The following PITPNM2 variants were observed in gnomAD, a reference collection of about 807,000 sequenced individuals.
The protein encoded by PITPNM2 is membrane-associated phosphatidylinositol transfer protein 2.
Under a neutral mutation model 132.2 loss-of-function variants are expected in PITPNM2, and 35 were observed. That is an observed-to-expected ratio of 0.26 (90% CI 0.20 to 0.35). The LOEUF (loss-of-function observed/expected upper bound fraction) is 0.35, where lower values mean the gene tolerates loss of function less well. Ranked by LOEUF, PITPNM2 falls within the 10% of genes least tolerant of loss-of-function variation. PITPNM2 has a pLI of 1.00. For synonymous variants in PITPNM2, 738 were observed against 799.2 expected, an observed-to-expected ratio of 0.92 and a Z score of 1.29; for missense variants, 1,332 against 1,912.0, an observed-to-expected ratio of 0.70 and a Z score of 5.66.
chr12:123,118,918 T>C (rs767556847), intron 1 of PITPNM2, among the ~76,000 whole-genome samples: 1 of 152,242 alleles, frequency 6.6e-6, no homozygotes, highest in Non-Finnish European at 1.5e-5. Context: ...CCGCAAATAC[T>C]GTGCCTTAGT....
chr12:123,048,973 A>C (rs2040767909), intron 2 of PITPNM2, among the ~76,000 whole-genome samples: 1 of 152,118 alleles, frequency 6.6e-6, no homozygotes, highest in Admixed American at 6.6e-5. Flanking sequence ...ATTTCTACAA[A>C]AAATAATAAA....
At chr12:123,076,789 G>A (rs938611452) in intron 2 of PITPNM2, among the ~76,000 whole-genome samples, 1 of 152,228 alleles carries the variant, frequency 6.6e-6, no homozygotes, top group African/African-American at 2.4e-5. Flanking sequence ...AGATCAGAGA[G>A]GGGTTACTCT....
Position 122,992,567 on chromosome 12 carries a change from G to A in PITPNM2, c.2336C>T (p.Ala779Val), listed in dbSNP as rs1453216871. Reference sequence around the variant, plus strand: ...GCGGGGGACGCTGAAAGGCGGCAGGGCGTGAAAGCGCCGTTCCAGCAGCGG... The same window carrying A: ...GCGGGGGACGCTGAAAGGCGGCAGGACGTGAAAGCGCCGTTCCAGCAGCGG... ...LEPLLERRFH[A>V]LPPFSVPRYQ... The change falls in exon 16 of 26, where the codon GCC (alanine) becomes GTC (valine). Residue 779 changes from alanine (A) to valine (V), a missense_variant. By Grantham distance (64) the Ala-to-Val change is moderately conservative. Coordinates refer to ENST00000320201, the MANE Select transcript of PITPNM2 (RefSeq NM_020845.3). This position sits in a 1 kb window ranked among gnomAD's most constrained non-coding sequence, Gnocchi z 6.5. The A allele has an allele frequency of 6.2e-7, 1 of 1,611,736 alleles. No homozygotes were observed. Among genetic ancestry groups the A allele is most frequent in the Admixed American group, 1.7e-5 (1 of 59,928 alleles).
At chr12:123,113,266 G>A (rs146395639) in intron 1 of PITPNM2, among the ~76,000 whole-genome samples, 1 of 152,236 alleles carries the variant, frequency 6.6e-6, no homozygotes, top group East Asian at 1.9e-4. Context: ...GGAATGGGTA[G>A]AGAGAGACCC....
chr12:123,032,242 G>T (rs927423419), intron 3 of PITPNM2, among the ~76,000 whole-genome samples: 6 of 152,246 alleles, frequency 3.9e-5, no homozygotes, highest in Middle Eastern at 3.2e-3. Flanking sequence ...ACTTTGGGAG[G>T]CCAAGGTGAG....
intron 1 of PITPNM2, among the ~76,000 whole-genome samples, chr12:123,139,137 A>AAAAT (rs1179742506): frequency 1.3e-5 from 2 of 152,140 alleles, no homozygotes; most frequent in South Asian, 2.1e-4. Flanking sequence ...TCCTGTCTCA[A>AAAAT]AAATAAATAA....
intron 1 of PITPNM2, among the ~76,000 whole-genome samples, chr12:123,135,141 G>A (rs1246352727): frequency 6.6e-6 from 1 of 152,126 alleles, no homozygotes; most frequent in Non-Finnish European, 1.5e-5. Context: ...TGAATTAAAT[G>A]TGGCCACACC....
At chr12:123,035,588 C>T (rs2040238231) in intron 2 of PITPNM2, among the ~76,000 whole-genome samples, 1 of 151,982 alleles carries the variant, frequency 6.6e-6, no homozygotes, top group Non-Finnish European at 1.5e-5. Context: ...ATCGCTTGAA[C>T]CCAGGAGGCG....
rs757695719 is a variant in PITPNM2, at chr12:123,023,886, T to C, written c.79-9844A>G. ...GAGAATTTTTATATACAATATATCTTATAGTAACTTATATCCAAAATATAT... is the reference window on the plus strand; with the variant it reads ...GAGAATTTTTATATACAATATATCTCATAGTAACTTATATCCAAAATATAT... On this transcript the variant is annotated intron_variant, in intron 3 of 25. Transcript: ENST00000320201. The surrounding 1 kb of genome is among the most constrained non-coding windows in gnomAD (Gnocchi z 4.8). Among the ~76,000 whole-genome samples the C allele has an allele frequency of 6.6e-6, 1 of 152,176 alleles. No individual in the cohort carries two copies. Among genetic ancestry groups the C allele is most frequent in the Admixed American group, 6.5e-5 (1 of 15,274 alleles).
Position 123,108,166 on chromosome 12 carries a change from C to T in PITPNM2, c.-96+2219G>A, listed in dbSNP as rs2042760220. Among the ~76,000 whole-genome samples the T allele has an allele frequency of 6.6e-6, 1 of 152,150 alleles. No homozygotes were observed. Among genetic ancestry groups the T allele is most frequent in the Admixed American group, 6.5e-5 (1 of 15,276 alleles). ...TGCCTGTCTGTTTTGTTCACAGTGG[C>T]GTCTCTGGCAACTGGAATGGTCCCT... is the stretch of plus-strand genomic sequence containing the variant. On this transcript the variant is annotated intron_variant, in intron 2 of 25. Coordinates refer to ENST00000320201, the MANE Select transcript of PITPNM2 (RefSeq NM_020845.3). This position sits in a 1 kb window ranked among gnomAD's most constrained non-coding sequence, Gnocchi z 4.4.
At position 123,095,003 on chromosome 12, in the gene PITPNM2, C is replaced by T. The variant is rs2042369503; in HGVS notation, c.-96+15382G>A. ...TTCTGGGCTTCGTGGCGCACTGAAG[C>T]AAGCATGTTTATCCTTCCCTCATAC... On this transcript the variant is annotated intron_variant, in intron 2 of 25. Coordinates refer to ENST00000320201, the MANE Select transcript of PITPNM2 (RefSeq NM_020845.3). This position sits in a 1 kb window ranked among gnomAD's most constrained non-coding sequence, Gnocchi z 5.0. 6.6e-6 allele frequency among the ~76,000 whole-genome samples: 1 copy of T among 152,242 alleles called. No homozygotes were observed. Among genetic ancestry groups the T allele is most frequent in the Non-Finnish European group, 1.5e-5 (1 of 68,036 alleles).
rs746418078 is a variant in PITPNM2, at chr12:123,108,353, A to G, written c.-96+2032T>C. On this transcript the variant is annotated intron_variant, in intron 2 of 25. Transcript: ENST00000320201. This position sits in a 1 kb window ranked among gnomAD's most constrained non-coding sequence, Gnocchi z 4.4. ...CTCTGGAATGCAGTTGTTAAGAAGG[A>G]ATAGAACCTCCTTCCTGTAAGAAAG... Among the ~76,000 whole-genome samples the G allele has an allele frequency of 2.6e-4, 39 of 152,190 alleles. No individual in the cohort carries two copies. The highest frequency in any genetic ancestry group is 5.1e-4 in the Non-Finnish European group (35 of 68,028).
chr12:123,081,656 A>G (rs936749243), intron 2 of PITPNM2: 1 of 152,236 alleles, frequency 6.6e-6, no homozygotes, highest in African/African-American at 2.4e-5. Context: ...CTTCTCCAAC[A>G]GGGCGGGGTC....
At chr12:123,102,333 G>A (rs981790168) in intron 2 of PITPNM2, among the ~76,000 whole-genome samples, 3 of 152,216 alleles carry the variant, frequency 2.0e-5, no homozygotes, top group Admixed American at 6.5e-5. Flanking sequence ...ACACTAAGAA[G>A]TGGCCTTCTG....
intron 16 of PITPNM2, among the ~76,000 whole-genome samples, chr12:122,990,919 T>C (rs1202363545): frequency 2.0e-5 from 3 of 152,146 alleles, no homozygotes; most frequent in Non-Finnish European, 4.4e-5. Context: ...GACTGACGAA[T>C]GGACACAGAC....
intron 2 of PITPNM2, among the ~76,000 whole-genome samples, chr12:123,096,525 GA>G (rs1251406679): frequency 6.6e-6 from 1 of 152,206 alleles, no homozygotes; most frequent in Admixed American, 6.5e-5. Flanking sequence ...GGAAGATGGG[GA>G]GGGGGGCGAG....
At position 122,992,526 on chromosome 12, in the gene PITPNM2, G is replaced by A; in HGVS notation, c.2377C>T (p.Leu793=). The part of the protein sequence containing the change: ...FSVPRYQRYP[L]GDGCSTLLAD... ...AGCAGCGTGGAGCAGCCATCCCCCA[G>A]CGGGTAGCGTTGGTAGCGGGGGACG... The change falls in exon 16 of 26, where the codon CTG becomes TTG. Residue 793 remains leucine (L), a synonymous_variant. Transcript: ENST00000320201. The surrounding 1 kb of genome is among the most constrained non-coding windows in gnomAD (Gnocchi z 6.5). The A allele has an allele frequency of 6.2e-7, 1 of 1,611,238 alleles. No individual in the cohort carries two copies. Among genetic ancestry groups the A allele is most frequent in the South Asian group, 1.1e-5 (1 of 90,974 alleles).
chr12:123,104,278 C>G (rs2042637330), intron 2 of PITPNM2, among the ~76,000 whole-genome samples: 1 of 152,236 alleles, frequency 6.6e-6, no homozygotes, highest in Admixed American at 6.5e-5. Flanking sequence ...CTCGCAGCCC[C>G]CACACACCCG....
chr12:123,091,334 G>A (rs939549768), intron 2 of PITPNM2: 1 of 152,242 alleles, frequency 6.6e-6, no homozygotes, highest in African/African-American at 2.4e-5. Context: ...TGAAGAAGGC[G>A]TCAGTCCCAC....
Sources: allele counts gnomAD v4.1 joint callset (sites outside exome capture counted in the v4.1 genomes callset), GRCh38; gene constraint gnomAD v4.1.1; non-coding constraint Gnocchi (gnomAD v3.1); transcripts MANE v1.5; gene names NCBI Gene and HGNC (gene_info 2026-07-23, HGNC 2026-07-21).